NBAS: variants seen among roughly 807,000 people sequenced by gnomAD.
NBAS encodes NBAS subunit of NRZ tethering complex.
In NBAS, 219 loss-of-function variants were observed where a neutral mutation model predicts 302.5. The observed-to-expected ratio is 0.72, with a 90% CI of 0.65 to 0.81. The LOEUF (loss-of-function observed/expected upper bound fraction) is 0.81. Among genes scored for constraint, NBAS ranks in the 30% least tolerant of loss-of-function variants. NBAS has a pLI of 0.00. For synonymous variants in NBAS, 1,118 were observed against 1,021.6 expected, an observed-to-expected ratio of 1.09 and a Z score of -1.80; for missense variants, 2,932 against 2,841.6, an observed-to-expected ratio of 1.03 and a Z score of -0.72.
the NBAS span, among the ~76,000 whole-genome samples, chr2:14,819,210 T>G: frequency 2.6e-5 from 4 of 152,376 alleles, 1 homozygote; most frequent in Admixed American, 2.6e-4. Context: ...ACATATTAGC[T>G]GCTCGGAACA....
chr2:15,107,429 C>T, the NBAS span, among the ~76,000 whole-genome samples: 1 of 152,070 alleles, frequency 6.6e-6, no homozygotes, highest in African/African-American at 2.4e-5. Flanking sequence ...TTTTGCTAGG[C>T]AGCCCAAGCT....
chr2:15,172,062 T>G (rs1474170537), intron 51 of NBAS, among the ~76,000 whole-genome samples: 1 of 152,206 alleles, frequency 6.6e-6, no homozygotes, highest in Non-Finnish European at 1.5e-5. Flanking sequence ...TAAATATGAA[T>G]GTAAGCACAA....
chr2:15,387,873 G>A (rs191598193), intron 28 of NBAS, among the ~76,000 whole-genome samples: 2 of 152,146 alleles, frequency 1.3e-5, no homozygotes, highest in East Asian at 1.9e-4. Context: ...AACTCAAAGC[G>A]GTCTGCCCGC....
chr2:15,307,579 A>G (rs1671085038), intron 40 of NBAS, among the ~76,000 whole-genome samples: 1 of 152,220 alleles, frequency 6.6e-6, no homozygotes, highest in Admixed American at 6.5e-5. Flanking sequence ...CACAATGCCA[A>G]TAATTAAAAC....
the NBAS span, among the ~76,000 whole-genome samples, chr2:15,154,909 C>T: frequency 6.6e-5 from 10 of 152,288 alleles, no homozygotes; most frequent in Admixed American, 1.3e-4. Context: ...GCTCCCTACA[C>T]GAAGAGGCTG....
At chr2:15,435,892 C>A (rs1156810932) in intron 21 of NBAS, among the ~76,000 whole-genome samples, 2 of 151,998 alleles carry the variant, frequency 1.3e-5, no homozygotes, top group Non-Finnish European at 2.9e-5. Context: ...TGATAAATAC[C>A]CCTTTGTGTC....
chr2:14,880,948 A>T, the NBAS span, among the ~76,000 whole-genome samples: 7 of 151,466 alleles, frequency 4.6e-5, no homozygotes, highest in African/African-American at 7.3e-5. Flanking sequence ...AAAAAAAAAA[A>T]TTTATTTACA....
the NBAS span, among the ~76,000 whole-genome samples, chr2:14,783,020 C>A: frequency 1.3e-5 from 2 of 151,890 alleles, no homozygotes; most frequent in Non-Finnish European, 2.9e-5. Flanking sequence ...AAGCTAAGTA[C>A]CCAGATGATG....
At chr2:15,361,199 C>T (rs1230095631) in intron 32 of NBAS, among the ~76,000 whole-genome samples, 2 of 152,066 alleles carry the variant, frequency 1.3e-5, no homozygotes, top group Non-Finnish European at 1.5e-5. Context: ...CTGTGCAGTA[C>T]GACTGTAAAT....
At chr2:15,328,403 G>T in intron 36 of NBAS, 91 bp from the exon 37 acceptor site, 1 of 1,100,272 alleles carries the variant, frequency 9.1e-7, no homozygotes. Context: ...AGGGAGAGAG[G>T]GAGGAAGAAA....
At chr2:15,080,659 A>G in the NBAS span, among the ~76,000 whole-genome samples, 1 of 152,138 alleles carries the variant, frequency 6.6e-6, no homozygotes, top group South Asian at 2.1e-4. Context: ...CAGCTGGTGG[A>G]TGGGTTAGTT....
intron 40 of NBAS, among the ~76,000 whole-genome samples, chr2:15,306,533 C>T (rs1671041211): frequency 6.6e-6 from 1 of 152,176 alleles, no homozygotes; most frequent in Non-Finnish European, 1.5e-5. Context: ...AAGGTTTTCA[C>T]ATCATCCTAG....
chr2:15,194,981 C>T lies in NBAS; in HGVS notation c.6433-4578G>A, dbSNP rs114555564. Among the ~76,000 whole-genome samples the T allele has an allele frequency of 4.6e-3, 698 of 151,954 alleles. 3 individuals carry two copies. The highest frequency in any genetic ancestry group is 8.8e-3 in the Non-Finnish European group (595 of 67,924). On this transcript the variant is annotated intron_variant, in intron 48 of 51. Coordinates refer to ENST00000281513, the MANE Select transcript of NBAS (RefSeq NM_015909.4). ...GAAATCACACACAATAAAACAAACC[C>T]TAAAACTAAGAAACGAGTCAGGAAT...
intron 47 of NBAS, among the ~76,000 whole-genome samples, chr2:15,221,301 C>T (rs1666939005): frequency 6.6e-6 from 1 of 152,122 alleles, no homozygotes; most frequent in African/African-American, 2.4e-5. Flanking sequence ...CTGACACAGA[C>T]GAAGGTCCCA....
the NBAS span, among the ~76,000 whole-genome samples, chr2:15,160,356 A>G: frequency 6.6e-6 from 1 of 152,172 alleles, no homozygotes; most frequent in African/African-American, 2.4e-5. Flanking sequence ...GATGAGAGAG[A>G]GAGGCTCAAA....
the NBAS span, among the ~76,000 whole-genome samples, chr2:14,803,673 G>A: frequency 1.3e-5 from 2 of 151,958 alleles, no homozygotes; most frequent in African/African-American, 4.8e-5. Flanking sequence ...TTTTTGAGAT[G>A]GAGTCTTTCT....
the NBAS span, among the ~76,000 whole-genome samples, chr2:14,848,666 T>C: frequency 7.0e-6 from 1 of 142,218 alleles, no homozygotes; most frequent in Non-Finnish European, 1.5e-5. Context: ...TCTGCAGACT[T>C]AAATGTCCCT....
chr2:15,034,009 GAA>G, the NBAS span, among the ~76,000 whole-genome samples: 527 of 49,096 alleles, frequency 0.011, 47 homozygotes, highest in East Asian at 0.16. Flanking sequence ...AGAAGAAGAA[GAA>G]GAAGAAGAAG....
chr2:15,477,732 G>A (rs1189565145), intron 13 of NBAS, among the ~76,000 whole-genome samples: 2 of 152,040 alleles, frequency 1.3e-5, no homozygotes, highest in African/African-American at 4.8e-5. Flanking sequence ...TAATATCTCT[G>A]TTTCAATCTA....
Sources: gnomAD v4.1 joint callset for allele counts (sites outside exome capture counted in the v4.1 genomes callset) on GRCh38, gnomAD v4.1.1 for gene constraint, MANE v1.5 for transcripts, NCBI Gene and HGNC (gene_info 2026-07-23, HGNC 2026-07-21) for gene names.